USH2A: variants seen among roughly 807,000 people sequenced by gnomAD.
USH2A encodes usherin.
In USH2A, 443 loss-of-function variants were observed where a neutral mutation model predicts 538.9. That is an observed-to-expected ratio of 0.82 (90% CI 0.76 to 0.89). The LOEUF (loss-of-function observed/expected upper bound fraction) is 0.89, where lower values mean the gene tolerates loss of function less well. Ranked by LOEUF, USH2A falls within the 40% of genes least tolerant of loss-of-function variation. The probability of loss-of-function intolerance (pLI) is 0.00; values close to 1 mark genes in which losing one functional copy is unlikely to be tolerated. For missense variants in USH2A, 6,633 were observed against 6,324.8 expected (o/e 1.05, Z -1.65); for synonymous variants, 2,413 against 2,273.5 (o/e 1.06, Z -1.75).
chr1:215,723,084 G>A (rs1033490275), intron 61 of USH2A, among the ~76,000 whole-genome samples: 6 of 152,052 alleles, frequency 3.9e-5, no homozygotes, highest in African/African-American at 1.4e-4. Flanking sequence ...AATTGGGAAG[G>A]GAGTTTAAGG....
intron 3 of USH2A, among the ~76,000 whole-genome samples, chr1:216,383,809 G>C (rs572385319): frequency 6.6e-6 from 1 of 151,776 alleles, no homozygotes; most frequent in South Asian, 2.1e-4. Flanking sequence ...TGAGTAGCTG[G>C]GACTACAGGC....
At chr1:215,889,722 G>T (rs1414859569) in intron 40 of USH2A, among the ~76,000 whole-genome samples, 1 of 152,056 alleles carries the variant, frequency 6.6e-6, no homozygotes, top group African/African-American at 2.4e-5. Flanking sequence ...CACTCTAACT[G>T]ATTCAATTAT....
chr1:215,811,973 C>A (rs1331973620), intron 49 of USH2A, among the ~76,000 whole-genome samples: 1 of 142,672 alleles, frequency 7.0e-6, no homozygotes, highest in African/African-American at 2.6e-5. Context: ...ACCAAAAAAA[C>A]CCCTAGGGTT....
chr1:215,821,972 T>C (rs1663029017), intron 47 of USH2A, among the ~76,000 whole-genome samples: 1 of 151,956 alleles, frequency 6.6e-6, no homozygotes. Context: ...TTCTATTCCA[T>C]TGGTTTATGT....
At chr1:215,738,946 C>T (rs1405637714) in intron 60 of USH2A, among the ~76,000 whole-genome samples, 1 of 152,056 alleles carries the variant, frequency 6.6e-6, no homozygotes, top group Admixed American at 6.6e-5. Flanking sequence ...TATTTCTGTC[C>T]TTACAAATTT....
intron 17 of USH2A, 57 bp from the exon 18 acceptor site, chr1:216,198,641 G>C (rs879133154): frequency 6.6e-7 from 1 of 1,523,742 alleles, no homozygotes; most frequent in Non-Finnish European, 9.0e-7. Context: ...GTTACTTTAG[G>C]GGTAGGGTAG....
chr1:215,913,371 T>C (rs770965583), intron 38 of USH2A, among the ~76,000 whole-genome samples: 4 of 152,100 alleles, frequency 2.6e-5, no homozygotes, highest in Admixed American at 6.6e-5. Flanking sequence ...GACTTAATTT[T>C]GGTTGAAAGA....
At chr1:216,107,380 T>C (rs2032758971) in intron 21 of USH2A, among the ~76,000 whole-genome samples, 1 of 151,842 alleles carries the variant, frequency 6.6e-6, no homozygotes, top group South Asian at 2.1e-4. Context: ...AAAATGTCTG[T>C]TTAGTAATAT....
chr1:216,405,183 T>C (rs2039374016), intron 3 of USH2A, among the ~76,000 whole-genome samples: 1 of 151,900 alleles, frequency 6.6e-6, no homozygotes, highest in Non-Finnish European at 1.5e-5. Context: ...TTTAACAATA[T>C]AAAATAAAAA....
intron 61 of USH2A, among the ~76,000 whole-genome samples, chr1:215,686,596 A>G (rs1359452357): frequency 6.6e-6 from 1 of 152,092 alleles, no homozygotes; most frequent in Admixed American, 6.5e-5. Flanking sequence ...AATAAGTAAC[A>G]TTAGGCAAAA....
chr1:216,311,546 A>G (rs1226597839), intron 9 of USH2A, among the ~76,000 whole-genome samples: 1 of 152,048 alleles, frequency 6.6e-6, no homozygotes, highest in Non-Finnish European at 1.5e-5. Flanking sequence ...AATCTCAGCA[A>G]TGTATATTTG....
At position 215,786,865 on chromosome 1, in the gene USH2A, CTT is replaced by C. The variant is rs397517964; in HGVS notation, c.10190_10191del (p.Lys3397ArgfsTer20). ...ISTGMMMKET[K>X]ECRILCPASM... The stretch of plus-strand genomic sequence containing the variant: ...GATGCTGGGCAGAGGATCCTGCACT[CTT>C]TGGTTTCCTGAGTCAAGTGGCAGGG... On this transcript the variant is annotated frameshift_variant, in exon 52 of 72. Coordinates refer to ENST00000307340, the MANE Select transcript of USH2A (RefSeq NM_206933.4). LOFTEE classifies it high-confidence loss of function. The C allele has an allele frequency of 6.2e-7, 1 of 1,613,778 alleles. No homozygotes were observed. Among genetic ancestry groups the C allele is most frequent in the Non-Finnish European group, 8.5e-7 (1 of 1,179,848 alleles).
rs528532467 is a variant in USH2A, at chr1:216,355,614, T to G, written c.784+9339A>C. ...GAGCTACAAGCAATGAAAAGGGAGG[T>G]TCTTCGGATTAAGAAGAAATAGCAT... On this transcript the variant is annotated intron_variant, in intron 4 of 71. Transcript: ENST00000307340. 4.7e-5 allele frequency among the ~76,000 whole-genome samples: 7 copies of G among 150,510 alleles called. No homozygotes were observed. In the East Asian group the frequency reaches 1.2e-3, roughly 26 times the overall value.
chr1:216,317,555 TA>T (rs1388600130), intron 9 of USH2A, among the ~76,000 whole-genome samples: 1 of 151,780 alleles, frequency 6.6e-6, no homozygotes, highest in Non-Finnish European at 1.5e-5. Flanking sequence ...GAACTTAAAA[TA>T]AAAGTTGAGG....
In USH2A at chr1:216,251,333, T is replaced by A. The variant is rs563021726; in HGVS notation, c.1972-235A>T. ...TAGTCGTATAAGAATAAAAGGGAAA[T>A]GGGGAATTAACCATTCAATGCTATA... On this transcript the variant is annotated intron_variant, in intron 11 of 71. Coordinates refer to ENST00000307340, the MANE Select transcript of USH2A (RefSeq NM_206933.4). Among the ~76,000 whole-genome samples the A allele has an allele frequency of 6.6e-5, 10 of 151,048 alleles. No homozygotes were observed. The East Asian group carries it at 2.0e-3, about 29-fold the overall frequency.
chr1:216,215,428 G>T (rs1012643753), intron 15 of USH2A, among the ~76,000 whole-genome samples: 6 of 152,024 alleles, frequency 3.9e-5, no homozygotes, highest in South Asian at 2.1e-4. Context: ...CTTCTGCTAG[G>T]ATCAAACACA....
intron 14 of USH2A, among the ~76,000 whole-genome samples, chr1:216,229,429 C>G (rs930276512): frequency 1.3e-5 from 2 of 151,990 alleles, no homozygotes; most frequent in African/African-American, 4.8e-5. Flanking sequence ...AGTCCTCCCA[C>G]ATCAGCCTCC....
chr1:216,061,570 G>A (rs1371857786), intron 30 of USH2A, among the ~76,000 whole-genome samples: 1 of 152,094 alleles, frequency 6.6e-6, no homozygotes, highest in Non-Finnish European at 1.5e-5. Context: ...AATTACCTGA[G>A]ATAATTTAAA....
intron 36 of USH2A, among the ~76,000 whole-genome samples, chr1:215,968,696 A>C (rs1234685901): frequency 6.6e-6 from 1 of 152,148 alleles, no homozygotes; most frequent in Non-Finnish European, 1.5e-5. Context: ...TAGATGAACA[A>C]AAAAATTGAA....
Sources: gnomAD v4.1 joint callset for allele counts (sites outside exome capture counted in the v4.1 genomes callset) on GRCh38, gnomAD v4.1.1 for gene constraint, MANE v1.5 for transcripts, NCBI Gene and HGNC (gene_info 2026-07-23, HGNC 2026-07-21) for gene names.